The following MTRF1 variants were observed in gnomAD, a reference collection of about 807,000 sequenced individuals.
The protein encoded by MTRF1 is peptide chain release factor 1, mitochondrial.
Under a neutral mutation model 62.9 loss-of-function variants are expected in MTRF1, and 51 were observed. That is an observed-to-expected ratio of 0.81 (90% CI 0.65 to 1.02). The LOEUF is 1.02. MTRF1 is among the 50% of genes least tolerant of loss of function. MTRF1 has a pLI of 0.00. For missense variants in MTRF1, 446 were observed against 530.0 expected, an observed-to-expected ratio of 0.84 and a Z score of 1.56; for synonymous variants, 158 against 181.9, an observed-to-expected ratio of 0.87 and a Z score of 1.06.
the MTRF1 span, among the ~76,000 whole-genome samples, chr13:41,302,900 C>G: frequency 1.3e-5 from 2 of 152,072 alleles, no homozygotes; most frequent in Non-Finnish European, 2.9e-5. Flanking sequence ...AATTTTGAGG[C>G]AAGCTGGGTG....
chr13:41,267,016 A>C (rs1356577785), upstream of MTRF1, among the ~76,000 whole-genome samples: 1 of 149,464 alleles, frequency 6.7e-6, no homozygotes, highest in Non-Finnish European at 1.5e-5. Flanking sequence ...AAAAAAAAAA[A>C]ACAAATTTCC....
At chr13:41,282,601 T>C in the MTRF1 span, among the ~76,000 whole-genome samples, 32 of 152,364 alleles carry the variant, frequency 2.1e-4, no homozygotes, top group Non-Finnish European at 4.4e-4. Context: ...GTTGACTACC[T>C]TCCCTACGTT....
intron 1 of MTRF1, chr13:41,261,876 G>C: frequency 6.1e-6 from 4 of 658,350 alleles, no homozygotes; most frequent in Non-Finnish European, 7.5e-6. Context: ...TAGGGCTGGT[G>C]AAAAGCTCTA....
At chr13:41,261,042 T>C in intron 1 of MTRF1, 127 bp from the exon 2 acceptor site, 2 of 940,420 alleles carry the variant, frequency 2.1e-6, no homozygotes, top group Non-Finnish European at 3.1e-6. Context: ...AGTCTTAAAA[T>C]TCAACTGCCG....
At chr13:41,305,916 A>T in the MTRF1 span, among the ~76,000 whole-genome samples, 1 of 151,926 alleles carries the variant, frequency 6.6e-6, no homozygotes, top group Non-Finnish European at 1.5e-5. Context: ...GAATTACCTT[A>T]TCTATTTGTT....
intron 6 of MTRF1, among the ~76,000 whole-genome samples, chr13:41,234,963 G>C (rs2036226180): frequency 6.6e-6 from 1 of 152,154 alleles, no homozygotes; most frequent in Non-Finnish European, 1.5e-5. Context: ...CAAGTCACCT[G>C]ACACTCCTGA....
the MTRF1 span, among the ~76,000 whole-genome samples, chr13:41,298,679 C>T: frequency 6.6e-6 from 1 of 152,262 alleles, no homozygotes; most frequent in Non-Finnish European, 1.5e-5. Context: ...ATTTGAATCA[C>T]ATTTTCTAGC....
At chr13:41,291,889 C>A in the MTRF1 span, among the ~76,000 whole-genome samples, 1 of 151,922 alleles carries the variant, frequency 6.6e-6, no homozygotes, top group Non-Finnish European at 1.5e-5. Context: ...TCAGCTGCCC[C>A]CATTAAAATG....
At chr13:41,234,603 T>C (rs994557588) in intron 6 of MTRF1, among the ~76,000 whole-genome samples, 2 of 152,166 alleles carry the variant, frequency 1.3e-5, no homozygotes, top group African/African-American at 4.8e-5. Flanking sequence ...ATATATAAAA[T>C]ACACACATAT....
At chr13:41,257,269 G>T (rs2092088251) in intron 2 of MTRF1, among the ~76,000 whole-genome samples, 2 of 152,238 alleles carry the variant, frequency 1.3e-5, no homozygotes, top group Admixed American at 1.3e-4. Context: ...TAGACAATGG[G>T]AACAGGTGAG....
chr13:41,276,680 A>G, the MTRF1 span, among the ~76,000 whole-genome samples: 1 of 152,140 alleles, frequency 6.6e-6, no homozygotes, highest in African/African-American at 2.4e-5. Flanking sequence ...TTTAGTTTAT[A>G]GTTTAAATGA....
chr13:41,299,250 T>A, the MTRF1 span, among the ~76,000 whole-genome samples: 1 of 152,062 alleles, frequency 6.6e-6, no homozygotes, highest in East Asian at 1.9e-4. Flanking sequence ...GGGGAGAAAT[T>A]TTGGTAGTAT....
the MTRF1 span, among the ~76,000 whole-genome samples, chr13:41,277,464 T>C: frequency 6.6e-6 from 1 of 152,158 alleles, no homozygotes; most frequent in Non-Finnish European, 1.5e-5. Context: ...CCATGGTCTT[T>C]ATTCGTGCAG....
intron 5 of MTRF1, among the ~76,000 whole-genome samples, chr13:41,244,301 A>G (rs1292458371): frequency 1.3e-5 from 2 of 152,236 alleles, no homozygotes; most frequent in Admixed American, 6.5e-5. Flanking sequence ...TCCTTGCCTT[A>G]TAAGTCTCAA....
At chr13:41,311,235 C>T in the MTRF1 span, 1 of 515,822 alleles carries the variant, frequency 1.9e-6, no homozygotes, top group Non-Finnish European at 3.4e-6. Context: ...GCACAGGATC[C>T]GGCTCGGGAG....
chr13:41,217,531 TC>T (rs2032141630), intron 9 of MTRF1, among the ~76,000 whole-genome samples: 1 of 152,146 alleles, frequency 6.6e-6, no homozygotes, highest in South Asian at 2.1e-4. Flanking sequence ...CCTTTAAAAT[TC>T]CACTGATTGG....
rs374188294 is a variant in MTRF1, at chr13:41,233,860, T to C, written c.988+30A>G. The C allele has an allele frequency of 1.0e-5, 16 of 1,544,270 alleles. No homozygotes were observed. In the African/African-American group the frequency reaches 1.6e-4, roughly 16 times the overall value. On this transcript the variant is annotated intron_variant, in intron 7 of 9. Coordinates refer to ENST00000379480, the MANE Select transcript of MTRF1 (RefSeq NM_004294.4). ...ATGCTGAGTAAGATGGAAAAAGGGT[T>C]AAAAGTACAAAGCCAAGGGGCTTGC...
chr13:41,260,575 A>G lies in MTRF1; in HGVS notation c.333T>C (p.Ala111=), dbSNP rs766839585. The change falls in exon 2 of 10, where the codon GCT becomes GCC. Residue 111 remains alanine, a synonymous_variant. Coordinates refer to ENST00000379480, the MANE Select transcript of MTRF1 (RefSeq NM_004294.4). ...AAATGGCTGCAAGAGGTGCCAACTCAGCATGCCTTCTGTTCAAGGACCTTC... is the reference window on the plus strand; with the variant it reads ...AAATGGCTGCAAGAGGTGCCAACTCGGCATGCCTTCTGTTCAAGGACCTTC... The part of the protein sequence containing the change: ...ENRRSLNRRH[A]ELAPLAAIYQ... 4 of 1,614,158 alleles carry G rather than the reference A, an allele frequency of 2.5e-6. No individual in the cohort carries two copies. The South Asian group carries it at 4.4e-5, about 18-fold the overall frequency.
chr13:41,265,376 G>A (rs2040813667), upstream of MTRF1, among the ~76,000 whole-genome samples: 1 of 151,082 alleles, frequency 6.6e-6, no homozygotes, highest in African/African-American at 2.4e-5. Context: ...AGCCAAGATT[G>A]CACCATTGCA....
Sources: gnomAD v4.1 joint callset for allele counts (sites outside exome capture counted in the v4.1 genomes callset) on GRCh38, gnomAD v4.1.1 for gene constraint, MANE v1.5 for transcripts, NCBI Gene and HGNC (gene_info 2026-07-23, HGNC 2026-07-21) for gene names.